The following KDM4C variants were observed in gnomAD, a reference collection of about 807,000 sequenced individuals.
The protein encoded by KDM4C is lysine demethylase 4C.
A neutral mutation model predicts 129.3 loss-of-function variants in KDM4C; 81 were observed. The observed-to-expected ratio is 0.63, with a 90% CI of 0.52 to 0.75. The LOEUF (loss-of-function observed/expected upper bound fraction) is 0.75. KDM4C is among the 30% of genes least tolerant of loss of function. KDM4C has a pLI of 0.00. For missense variants in KDM4C, 1,457 were observed against 1,304.0 expected, an observed-to-expected ratio of 1.12 and a Z score of -1.81; for synonymous variants, 573 against 456.1, an observed-to-expected ratio of 1.26 and a Z score of -3.26.
At position 7,169,857 on chromosome 9, in the gene KDM4C, T is replaced by C. The variant is rs748979303; in HGVS notation, c.2961T>C (p.Asp987=). 1.1e-5 allele frequency: 18 copies of C among 1,613,916 alleles called. No individual in the cohort carries two copies. The African/African-American group carries it at 2.3e-4, about 20-fold the overall frequency. The change falls in exon 21 of 22, where the codon GAT becomes GAC. Residue 987 remains aspartate, a synonymous_variant. Coordinates refer to ENST00000381309, the MANE Select transcript of KDM4C (RefSeq NM_015061.6). The stretch of plus-strand genomic sequence containing the variant: ...AGAGAGAGGACATCTACACTTTAGA[T>C]GAAGAGTTACCCAAGAGAGTGAAAG... The part of the protein sequence containing the change: ...AMKREDIYTL[D]EELPKRVKAR...
upstream of KDM4C, among the ~76,000 whole-genome samples, chr9:6,756,541 A>G (rs1009991226): frequency 2.6e-5 from 4 of 152,314 alleles, no homozygotes; most frequent in Non-Finnish European, 4.4e-5. Flanking sequence ...ACATGGCGAA[A>G]CCCTGTCTCT....
chr9:6,964,977 G>C (rs1044747113), intron 8 of KDM4C, among the ~76,000 whole-genome samples: 5 of 151,364 alleles, frequency 3.3e-5, no homozygotes, highest in African/African-American at 1.2e-4. Flanking sequence ...CAAAGTGAAC[G>C]TATGCCTAGA....
chr9:6,949,594 C>A (rs1019636618), intron 8 of KDM4C, among the ~76,000 whole-genome samples: 1 of 152,228 alleles, frequency 6.6e-6, no homozygotes, highest in Non-Finnish European at 1.5e-5. Flanking sequence ...ATCCCGGCAC[C>A]TCGGGAGGCC....
At chr9:6,842,607 A>T (rs1372149145) in intron 4 of KDM4C, among the ~76,000 whole-genome samples, 2 of 152,080 alleles carry the variant, frequency 1.3e-5, no homozygotes, top group Non-Finnish European at 2.9e-5. Flanking sequence ...AAGTGCTGGG[A>T]TTACGGACGT....
Position 6,888,819 on chromosome 9 carries a change from G to A in KDM4C, c.783+756G>A, listed in dbSNP as rs533124931. Among the ~76,000 whole-genome samples the A allele has an allele frequency of 2.1e-4, 5 of 23,978 alleles. 1 individual carries two copies. The highest frequency in any genetic ancestry group is 3.5e-4 in the Non-Finnish European group (5 of 14,196). The allele number at this position is 23,978 out of a possible 152,430, so 15.7% of individuals were successfully genotyped here. A position where few individuals can be genotyped will look rare whatever the true frequency, so the allele number is the denominator to read the frequency against. ...TTTTTTTTTTTTGAGACGGAGTCTCGCTCTGTCGCCCAGGCTGGAGTGCAG... is the reference window on the plus strand; with the variant it reads ...TTTTTTTTTTTTGAGACGGAGTCTCACTCTGTCGCCCAGGCTGGAGTGCAG... On this transcript the variant is annotated intron_variant, in intron 7 of 21. Coordinates refer to ENST00000381309, the MANE Select transcript of KDM4C (RefSeq NM_015061.6).
chr9:7,020,262 A>C (rs1824552591), intron 15 of KDM4C, among the ~76,000 whole-genome samples: 1 of 152,234 alleles, frequency 6.6e-6, no homozygotes, highest in East Asian at 1.9e-4. Flanking sequence ...ACTGAAATGA[A>C]ATGATACAAA....
At chr9:7,098,240 C>T (rs1369684525) in intron 17 of KDM4C, among the ~76,000 whole-genome samples, 5 of 152,226 alleles carry the variant, frequency 3.3e-5, no homozygotes, top group Admixed American at 3.3e-4. Flanking sequence ...CTGGCCACCT[C>T]TGTCCATTTT....
intron 8 of KDM4C, among the ~76,000 whole-genome samples, chr9:6,958,232 A>AATT (rs1224577973): frequency 6.6e-6 from 1 of 152,170 alleles, no homozygotes; most frequent in Non-Finnish European, 1.5e-5. Flanking sequence ...TAATAATAAT[A>AATT]CAATAGTATT....
intron 1 of KDM4C, among the ~76,000 whole-genome samples, chr9:6,752,194 A>G (rs563801612): frequency 9.3e-5 from 14 of 150,438 alleles, no homozygotes; most frequent in South Asian, 8.4e-4. Context: ...TTAGCCGGGC[A>G]TGGTGGCGCG....
chr9:6,754,919 G>C (rs774920295), upstream of KDM4C, among the ~76,000 whole-genome samples: 5 of 148,058 alleles, frequency 3.4e-5, no homozygotes, highest in Non-Finnish European at 7.4e-5. Context: ...ATATAAATTT[G>C]CTGCATTATA....
intron 8 of KDM4C, among the ~76,000 whole-genome samples, chr9:6,971,213 G>A (rs1029413440): frequency 2.6e-5 from 4 of 152,140 alleles, no homozygotes; most frequent in African/African-American, 9.7e-5. Flanking sequence ...CAAATGTGGA[G>A]CTTTTTTTTG....
chr9:6,944,662 T>TC (rs1235235409), intron 8 of KDM4C, among the ~76,000 whole-genome samples: 6 of 144,506 alleles, frequency 4.2e-5, no homozygotes, highest in Admixed American at 6.9e-5. Flanking sequence ...GTTTTTTTTT[T>TC]TTTTTTTTTT....
chr9:6,819,275 G>A (rs1310506137), intron 4 of KDM4C, among the ~76,000 whole-genome samples: 1 of 152,198 alleles, frequency 6.6e-6, no homozygotes, highest in Non-Finnish European at 1.5e-5. Context: ...TTGGTTTGCA[G>A]TGCTTATCAA....
chr9:6,873,678 C>T (rs1174590669), intron 5 of KDM4C, among the ~76,000 whole-genome samples: 5 of 152,164 alleles, frequency 3.3e-5, no homozygotes, highest in Non-Finnish European at 7.3e-5. Flanking sequence ...ATCTTATGTC[C>T]AGACATGCCA....
intron 8 of KDM4C, among the ~76,000 whole-genome samples, chr9:6,924,166 T>C (rs921178477): frequency 2.0e-5 from 3 of 152,210 alleles, no homozygotes; most frequent in Admixed American, 1.3e-4. Flanking sequence ...TAATACAGAA[T>C]AAGAACATAC....
At chr9:6,996,057 TTAGTC>T (rs1376878870) in intron 12 of KDM4C, among the ~76,000 whole-genome samples, 3 of 152,188 alleles carry the variant, frequency 2.0e-5, no homozygotes, top group African/African-American at 7.2e-5. Flanking sequence ...AGTCTGGACT[TTAGTC>T]TAACCATCAC....
In KDM4C at chr9:7,015,930, G is replaced by GT; in HGVS notation, c.2259+2dup. 2.5e-6 allele frequency: 4 copies of GT among 1,607,050 alleles called. No homozygotes were observed. Among genetic ancestry groups the GT allele is most frequent in the Non-Finnish European group, 3.4e-6 (4 of 1,174,060 alleles). ...GTGCAAAAGAAATGCGTGGACAGCA[G>GT]TAAGTAGCTTATTTTAGTATTGCTT... On this transcript the variant is annotated splice_donor_variant, in intron 15 of 21. Coordinates refer to ENST00000381309, the MANE Select transcript of KDM4C (RefSeq NM_015061.6). LOFTEE classifies it high-confidence loss of function.
intron 8 of KDM4C, among the ~76,000 whole-genome samples, chr9:6,919,078 C>G (rs1415867449): frequency 2.0e-5 from 3 of 152,102 alleles, no homozygotes; most frequent in African/African-American, 7.2e-5. Flanking sequence ...GTCTTGAACT[C>G]TTGACCTTGT....
intron 20 of KDM4C, among the ~76,000 whole-genome samples, chr9:7,165,681 A>C (rs750545176): frequency 1.3e-5 from 2 of 152,254 alleles, no homozygotes; most frequent in African/African-American, 4.8e-5. Context: ...TGGCCGATTC[A>C]TCTAACCTTC....
Sources: allele counts gnomAD v4.1 joint callset (sites outside exome capture counted in the v4.1 genomes callset), GRCh38; gene constraint gnomAD v4.1.1; transcripts MANE v1.5; gene names NCBI Gene and HGNC (gene_info 2026-07-23, HGNC 2026-07-21).